Variants in PIK3R4 observed in about 807,000 individuals in gnomAD.
PIK3R4 encodes the protein phosphoinositide-3-kinase regulatory subunit 4, also known as phosphoinositide 3-kinase regulatory subunit 4.
Under a neutral mutation model 136.5 loss-of-function variants are expected in PIK3R4, and 46 were observed. That is an observed-to-expected ratio of 0.34 (90% CI 0.27 to 0.43). The LOEUF (loss-of-function observed/expected upper bound fraction) is 0.43. Ranked by LOEUF, PIK3R4 falls within the 20% of genes least tolerant of loss-of-function variation. The pLI is 1.00. For synonymous variants in PIK3R4, 557 were observed against 566.7 expected (o/e 0.98, Z 0.24); for missense variants, 1,331 against 1,649.5 (o/e 0.81, Z 3.35).
At position 130,679,418 on chromosome 3, in the gene PIK3R4, G is replaced by A. The variant is rs773501007; in HGVS notation, c.3974C>T (p.Pro1325Leu). The A allele has an allele frequency of 1.4e-5, 23 of 1,612,082 alleles. No homozygotes were observed. Among genetic ancestry groups the A allele is most frequent in the Admixed American group, 6.7e-5 (4 of 59,992 alleles). Reference sequence around the variant, plus strand: ...AGTGATGATGTCATGATGTCCCACGGGCAGGGACTCTGGGCCCCTTCGAGG... The same window carrying A: ...AGTGATGATGTCATGATGTCCCACGAGCAGGGACTCTGGGCCCCTTCGAGG... ...DTPRRGPESL[P>L]VGHHDIITDV... Residue 1325 changes from proline (P) to leucine (L), a missense_variant, in exon 20 of 20, where the codon CCC becomes CTC. Coordinates refer to ENST00000356763, the MANE Select transcript of PIK3R4 (RefSeq NM_014602.3).
intron 3 of PIK3R4, among the ~76,000 whole-genome samples, chr3:130,735,365 C>T (rs1406019585): frequency 6.6e-6 from 1 of 152,204 alleles, no homozygotes; most frequent in Admixed American, 6.5e-5. Flanking sequence ...CACGACTCCT[C>T]ACGCCCATTC....
intron 13 of PIK3R4, among the ~76,000 whole-genome samples, chr3:130,702,069 G>A (rs1035246909): frequency 5.3e-4 from 80 of 152,214 alleles, no homozygotes; most frequent in Admixed American, 8.5e-4. Flanking sequence ...TGAAACCCAG[G>A]AGTGCAAGGT....
intron 6 of PIK3R4, among the ~76,000 whole-genome samples, chr3:130,726,415 A>G (rs1177868054): frequency 6.6e-6 from 1 of 152,168 alleles, no homozygotes; most frequent in African/African-American, 2.4e-5. Flanking sequence ...GACAGGCACT[A>G]TTCTTATTTC....
At chr3:130,683,290 G>A (rs1336760664) in intron 16 of PIK3R4, among the ~76,000 whole-genome samples, 2 of 152,238 alleles carry the variant, frequency 1.3e-5, no homozygotes, top group East Asian at 3.9e-4. Flanking sequence ...TTTTAAATAG[G>A]TATGAGTCTG....
At chr3:130,731,073 ACTGT>A (rs1296961856) in intron 4 of PIK3R4, among the ~76,000 whole-genome samples, 2 of 152,176 alleles carry the variant, frequency 1.3e-5, no homozygotes, top group East Asian at 3.8e-4. Context: ...ACCTACAAAG[ACTGT>A]CTGATATTCC....
At chr3:130,686,512 T>C in intron 14 of PIK3R4, 90 bp from the exon 15 acceptor site, 1 of 764,048 alleles carries the variant, frequency 1.3e-6, no homozygotes, top group Admixed American at 2.3e-5. Flanking sequence ...CTATCCATAG[T>C]CAAGAAACCA....
intron 18 of PIK3R4, 80 bp from the exon 19 acceptor site, chr3:130,680,801 T>C: frequency 1.1e-6 from 1 of 929,428 alleles, no homozygotes; most frequent in Non-Finnish European, 1.7e-6. Context: ...TCTTCATCAA[T>C]GCATTTTTTC....
rs2066714777 is a variant in PIK3R4 at position 130,723,478 on chromosome 3, A to G, written c.1917T>C (p.Leu639=). The change falls in exon 7 of 20, where the codon CTT becomes CTC. Residue 639 remains leucine (L), a synonymous_variant. Transcript: ENST00000356763. ...GCAGTCCTAACTGGCACATACAAGTAAGGGCATAAAGAGCTTTCACAATGA... is the reference window on the plus strand; with the variant it reads ...GCAGTCCTAACTGGCACATACAAGTGAGGGCATAAAGAGCTTTCACAATGA... ...EFVIVKALYA[L]TCMCQLGLLQ... is the part of the protein sequence containing the mutation. 6.2e-7 allele frequency: 1 copy of G among 1,613,766 alleles called. No individual in the cohort carries two copies. Among genetic ancestry groups the G allele is most frequent in the African/African-American group, 1.3e-5 (1 of 74,920 alleles).
intron 13 of PIK3R4, among the ~76,000 whole-genome samples, chr3:130,696,450 T>C (rs2107604226): frequency 6.6e-6 from 1 of 152,220 alleles, no homozygotes. Flanking sequence ...CAAGTTTTAG[T>C]ATGCTGTTCC....
rs1339112159 is a variant in PIK3R4 at position 130,733,687 on chromosome 3, G to A, written c.1311C>T (p.Ala437=). ...CAAGAACTTTGGTCAACGTCCTCAA[G>A]GCTTCAGCCCTCACCCTAGGAACAG... is the stretch of plus-strand genomic sequence containing the variant. The part of the protein sequence containing the change: ...NDSVPRVRAE[A]LRTLTKVLAL... The change falls in exon 4 of 20, where the codon GCC becomes GCT. Residue 437 remains alanine, a synonymous_variant. Transcript: ENST00000356763. The A allele has an allele frequency of 2.5e-6, 4 of 1,613,984 alleles. No homozygotes were observed. Among genetic ancestry groups the A allele is most frequent in the Middle Eastern group, 1.6e-4 (1 of 6,084 alleles).
chr3:130,735,872 T>C lies in PIK3R4; in HGVS notation c.864A>G (p.Glu288=). The C allele has an allele frequency of 1.2e-6, 2 of 1,607,658 alleles. No individual in the cohort carries two copies. Among genetic ancestry groups the C allele is most frequent in the Non-Finnish European group, 1.7e-6 (2 of 1,178,456 alleles). Residue 288 remains glutamate, a synonymous_variant, in exon 3 of 20, where the codon GAA becomes GAG. Transcript: ENST00000356763. ...LNKIEDHSIR[E]LVTQMIHREP... is the part of the protein sequence containing the mutation. ...CGAATATTTGTAGCATAGTTACCAA[T>C]TCTCTGATACTGTGATCTTCAATTT...
chr3:130,694,939 T>G (rs1331362834), intron 13 of PIK3R4, among the ~76,000 whole-genome samples: 2 of 152,138 alleles, frequency 1.3e-5, no homozygotes, highest in Non-Finnish European at 1.5e-5. Flanking sequence ...ATGGCCTTTA[T>G]TCATTTTCTA....
chr3:130,736,221 C>T (rs563485603), intron 2 of PIK3R4, among the ~76,000 whole-genome samples: 3 of 152,262 alleles, frequency 2.0e-5, no homozygotes, highest in African/African-American at 7.2e-5. Context: ...AAGAGCCATA[C>T]AATTTTTCTC....
chr3:130,680,780 T>C, intron 18 of PIK3R4, 59 bp from the exon 19 acceptor site: 1 of 1,080,642 alleles, frequency 9.3e-7, no homozygotes, highest in Non-Finnish European at 1.4e-6. Context: ...GAACTAATAA[T>C]CATTGGCTTA....
chr3:130,683,336 G>C (rs999417125), intron 16 of PIK3R4, among the ~76,000 whole-genome samples: 2 of 152,186 alleles, frequency 1.3e-5, no homozygotes, highest in African/African-American at 4.8e-5. Flanking sequence ...GACTGCATGA[G>C]ATCAAACACA....
At chr3:130,736,501 G>A (rs985775596) in intron 2 of PIK3R4, among the ~76,000 whole-genome samples, 1 of 152,106 alleles carries the variant, frequency 6.6e-6, no homozygotes, top group African/African-American at 2.4e-5. Flanking sequence ...CCCAGGAGAT[G>A]AGGTAGAGAG....
intron 14 of PIK3R4, among the ~76,000 whole-genome samples, chr3:130,689,826 C>G (rs1281733374): frequency 2.6e-5 from 4 of 152,190 alleles, no homozygotes. Flanking sequence ...ACTGTAGATT[C>G]TTAAAGCATA....
In PIK3R4 at chr3:130,719,587, A is replaced by T. The variant is rs139367518; in HGVS notation, c.1982-1053T>A. Among the ~76,000 whole-genome samples, 74 of 152,260 alleles carry T rather than the reference A, an allele frequency of 4.9e-4. No individual in the cohort carries two copies. In the East Asian group the frequency reaches 0.014, roughly 28 times the overall value. On this transcript the variant is annotated intron_variant, in intron 7 of 19. Transcript: ENST00000356763. ...ATCCATCCAACAAGGGACACTGGGT[A>T]TTTTCCCTGTGATAAGAGGGAAAAT...
At chr3:130,701,367 C>T (rs2066573289) in intron 13 of PIK3R4, among the ~76,000 whole-genome samples, 1 of 151,992 alleles carries the variant, frequency 6.6e-6, no homozygotes, top group African/African-American at 2.4e-5. Flanking sequence ...CAAAAATTAG[C>T]CAGATGTGGT....
Sources: gnomAD v4.1 joint callset for allele counts (sites outside exome capture counted in the v4.1 genomes callset) on GRCh38, gnomAD v4.1.1 for gene constraint, MANE v1.5 for transcripts, NCBI Gene and HGNC (gene_info 2026-07-23, HGNC 2026-07-21) for gene names.